Variants in EIF3M observed in about 807,000 individuals in gnomAD.
EIF3M encodes the protein B5 receptor.
EIF3M carries 25 observed loss-of-function variants against 49.7 expected under a neutral mutation model. The ratio of observed to expected loss-of-function variants is 0.50; its 90% confidence interval spans 0.37 to 0.70. The LOEUF (loss-of-function observed/expected upper bound fraction) is 0.70, where lower values mean the gene tolerates loss of function less well. EIF3M is among the 30% of genes least tolerant of loss of function. EIF3M has a pLI of 0.00. For synonymous variants in EIF3M, 156 were observed against 149.8 expected, an observed-to-expected ratio of 1.04 and a Z score of -0.30; for missense variants, 350 against 440.0, an observed-to-expected ratio of 0.80 and a Z score of 1.83.
chr11:32,590,988 C>G (rs746361090), intron 5 of EIF3M, among the ~76,000 whole-genome samples: 2 of 152,006 alleles, frequency 1.3e-5, no homozygotes, highest in African/African-American at 4.8e-5. Flanking sequence ...GCAGCTGGGA[C>G]CACAGTTGCC....
chr11:32,591,176 G>T (rs546767923), intron 5 of EIF3M, among the ~76,000 whole-genome samples: 1 of 152,218 alleles, frequency 6.6e-6, no homozygotes, highest in South Asian at 2.1e-4. Flanking sequence ...GGTGTTACTG[G>T]TAACTAAGCC....
chr11:32,601,205 C>T (rs1372208257), intron 9 of EIF3M: 1 of 159,138 alleles, frequency 6.3e-6, no homozygotes, highest in Non-Finnish European at 1.4e-5. Context: ...CAGTGCCTGG[C>T]ACATAGTAAG....
chr11:32,584,036 C>A, intron 1 of EIF3M, 107 bp downstream of exon 1: 1 of 1,434,934 alleles, frequency 7.0e-7, no homozygotes, highest in Non-Finnish European at 9.6e-7. Flanking sequence ...ACACCCGCAG[C>A]TGTTCTACAC....
chr11:32,592,366 T>C, intron 5 of EIF3M: 1 of 552,038 alleles, frequency 1.8e-6, no homozygotes. Flanking sequence ...CCAGTCCTCC[T>C]GTAACTTCTG....
intron 1 of EIF3M, 173 bp downstream of exon 1, chr11:32,584,102 A>G: frequency 2.5e-6 from 2 of 808,968 alleles, no homozygotes; most frequent in Non-Finnish European, 3.8e-6. Flanking sequence ...GATTCGCACC[A>G]GCTCGCCGGC....
intron 1 of EIF3M, among the ~76,000 whole-genome samples, chr11:32,585,712 A>G (rs1203139545): frequency 6.6e-6 from 1 of 152,176 alleles, no homozygotes; most frequent in African/African-American, 2.4e-5. Flanking sequence ...TTTTGCTTAT[A>G]ATACCAACTC....
At chr11:32,594,218 G>C in intron 6 of EIF3M, 1 of 288,430 alleles carries the variant, frequency 3.5e-6, no homozygotes, top group Non-Finnish European at 6.4e-6. Flanking sequence ...CCAAGAATTA[G>C]AACCTAATCT....
chr11:32,586,159 G>A (rs1292900547), intron 1 of EIF3M, among the ~76,000 whole-genome samples: 2 of 152,272 alleles, frequency 1.3e-5, no homozygotes, highest in Middle Eastern at 3.4e-3. Context: ...AACCCCGGAG[G>A]CAGAGGTTGC....
intron 8 of EIF3M, among the ~76,000 whole-genome samples, chr11:32,600,057 TTTAA>T (rs1366742880): frequency 6.6e-6 from 1 of 151,960 alleles, no homozygotes; most frequent in Non-Finnish European, 1.5e-5. Flanking sequence ...AATGGTATTC[TTTAA>T]TTATATCTAG....
At chr11:32,599,332 G>C (rs1460572198) in intron 8 of EIF3M, among the ~76,000 whole-genome samples, 1 of 151,960 alleles carries the variant, frequency 6.6e-6, no homozygotes, top group Non-Finnish European at 1.5e-5. Context: ...ATTAAACCCA[G>C]TTAGCAATAC....
chr11:32,603,153 C>T lies in EIF3M; in HGVS notation c.*754C>T. 1 of 655,282 alleles carries T rather than the reference C, an allele frequency of 1.5e-6. No homozygotes were observed. The highest frequency in any genetic ancestry group is 2.6e-6 in the Non-Finnish European group (1 of 388,250). The allele number at this position is 655,282 out of a possible 1,614,324, so 40.6% of individuals were successfully genotyped here. On this transcript the variant is annotated 3_prime_UTR_variant, in exon 11 of 11. Coordinates refer to ENST00000531120, the MANE Select transcript of EIF3M (RefSeq NM_006360.6). ...GCTGATTTCCACTACCTTAGTAGTTCTGGCACCAGAAAAGTATACAATGTG... is the reference window on the plus strand; with the variant it reads ...GCTGATTTCCACTACCTTAGTAGTTTTGGCACCAGAAAAGTATACAATGTG...
At chr11:32,601,389 T>C (rs1855260105) in intron 9 of EIF3M, 1 of 167,060 alleles carries the variant, frequency 6.0e-6, no homozygotes, top group Non-Finnish European at 1.3e-5. Context: ...TACAGAACTA[T>C]TGACCTTTTT....
intron 9 of EIF3M, 187 bp downstream of exon 9, chr11:32,601,019 A>G (rs1438911224): frequency 5.0e-6 from 3 of 595,944 alleles, no homozygotes; most frequent in Non-Finnish European, 7.7e-6. Context: ...AAACTGCTAT[A>G]TTCTATCCCT....
Position 32,588,278 on chromosome 11 carries a change from A to G in EIF3M, c.176-316A>G, listed in dbSNP as rs186874522. ...GTGGCGGGTGCCTGTAGTCCCAGCT[A>G]CTTGGGAGGCTGAGACGGGAGAATC... On this transcript the variant is annotated intron_variant, in intron 2 of 10. Transcript: ENST00000531120. Among the ~76,000 whole-genome samples, 7 of 151,502 alleles carry G rather than the reference A, an allele frequency of 4.6e-5. No homozygotes were observed. The East Asian group carries it at 1.4e-3, about 30-fold the overall frequency.
intron 6 of EIF3M, chr11:32,594,154 A>G (rs1855144537): frequency 2.8e-6 from 1 of 363,002 alleles, no homozygotes; most frequent in Non-Finnish European, 4.9e-6. Context: ...AAGTAGCTGC[A>G]TGGCGTTTAC....
chr11:32,599,534 G>A (rs914657509), intron 8 of EIF3M, among the ~76,000 whole-genome samples: 3 of 151,888 alleles, frequency 2.0e-5, no homozygotes, highest in African/African-American at 7.2e-5. Context: ...TTTAGAGAGT[G>A]AACTTTTTAA....
chr11:32,592,724 AAAC>A, intron 5 of EIF3M: 1 of 505,596 alleles, frequency 2.0e-6, no homozygotes, highest in South Asian at 1.4e-5. Context: ...GACCACCAAT[AAAC>A]AGTTTTTTTT....
In EIF3M at chr11:32,602,285, C is replaced by T. The variant is rs768828123; in HGVS notation, c.1011C>T (p.Ser337=). 5.0e-6 allele frequency: 8 copies of T among 1,610,406 alleles called. No individual in the cohort carries two copies. Among genetic ancestry groups the T allele is most frequent in the Non-Finnish European group, 6.8e-6 (8 of 1,178,072 alleles). Residue 337 remains serine (S), a synonymous_variant, in exon 11 of 11, where the codon AGC becomes AGT. Transcript: ENST00000531120. ...TTAATTTTTCAATTTTTAGTCATAG[C>T]ACACATCGGACATTTGGAAAACAGC... ...QTQRKVVVSH[S]THRTFGKQQW... is the part of the protein sequence containing the mutation.
At chr11:32,588,522 G>GA (rs1855040243) in intron 2 of EIF3M, 72 bp from the exon 3 acceptor site, 9 of 1,530,376 alleles carry the variant, frequency 5.9e-6, no homozygotes, top group Non-Finnish European at 7.1e-6. Context: ...TAAAACACTG[G>GA]AAATGCATAT....
Sources: gnomAD v4.1 joint callset for allele counts (sites outside exome capture counted in the v4.1 genomes callset) on GRCh38, gnomAD v4.1.1 for gene constraint, MANE v1.5 for transcripts, NCBI Gene and HGNC (gene_info 2026-07-23, HGNC 2026-07-21) for gene names.